RABGAP1L: variants seen among roughly 807,000 people sequenced by gnomAD.
RABGAP1L encodes the protein RAB GTPase activating protein 1 like.
A neutral mutation model predicts 137.7 loss-of-function variants in RABGAP1L; 63 were observed. The ratio of observed to expected loss-of-function variants is 0.46; its 90% CI spans 0.37 to 0.56. The LOEUF is 0.56. Ranked by LOEUF, RABGAP1L falls within the 20% of genes least tolerant of loss-of-function variation. The probability of loss-of-function intolerance (pLI) is 0.00; values close to 1 mark genes in which losing one functional copy is unlikely to be tolerated. For synonymous variants in RABGAP1L, 431 were observed against 433.7 expected (o/e 0.99, Z 0.08); for missense variants, 1,095 against 1,244.0 (o/e 0.88, Z 1.80).
intron 18 of RABGAP1L, among the ~76,000 whole-genome samples, chr1:174,792,001 A>G (rs1407798115): frequency 2.0e-5 from 3 of 152,234 alleles, no homozygotes; most frequent in Non-Finnish European, 2.9e-5. Context: ...GTGGTGAAGC[A>G]TAATCTTTCT....
intron 13 of RABGAP1L, among the ~76,000 whole-genome samples, chr1:174,424,151 A>G (rs989140634): frequency 6.6e-6 from 1 of 152,150 alleles, no homozygotes; most frequent in Non-Finnish European, 1.5e-5. Context: ...CCTACCTAGC[A>G]TATAGGATAT....
At chr1:174,365,175 G>C (rs1318482907) in intron 11 of RABGAP1L, 1 of 152,380 alleles carries the variant, frequency 6.6e-6, no homozygotes, top group East Asian at 1.9e-4. Context: ...GTGACTCTTT[G>C]TTTTCTCAGG....
intron 11 of RABGAP1L, among the ~76,000 whole-genome samples, chr1:174,339,481 C>A (rs1245870864): frequency 1.3e-5 from 2 of 152,080 alleles, no homozygotes; most frequent in Non-Finnish European, 2.9e-5. Flanking sequence ...CTAATTCAGG[C>A]TATCATAAGT....
At chr1:174,864,132 G>A (rs1041683559) in intron 19 of RABGAP1L, among the ~76,000 whole-genome samples, 7 of 152,160 alleles carry the variant, frequency 4.6e-5, no homozygotes, top group Non-Finnish European at 7.4e-5. Context: ...ATACATGATG[G>A]TTTTACTTTT....
At chr1:174,491,494 A>AGCAAGGGGTCCCTTTTGGAGCC (rs1660226782) in intron 13 of RABGAP1L, among the ~76,000 whole-genome samples, 3 of 151,978 alleles carry the variant, frequency 2.0e-5, no homozygotes. Flanking sequence ...CTCAAGCAGA[A>AGCAAGGGGTCCCTTTTGGAGCC]GCAAGGGGTC....
At chr1:174,331,417 G>A (rs1447095585) in intron 11 of RABGAP1L, among the ~76,000 whole-genome samples, 1 of 152,114 alleles carries the variant, frequency 6.6e-6, no homozygotes, top group African/African-American at 2.4e-5. Flanking sequence ...GAAAATATTT[G>A]CACATTATGC....
At chr1:174,855,012 A>G (rs1233375576) in intron 19 of RABGAP1L, among the ~76,000 whole-genome samples, 2 of 152,060 alleles carry the variant, frequency 1.3e-5, no homozygotes, top group African/African-American at 4.8e-5. Flanking sequence ...TGCTGGGATT[A>G]CAGGAGTGAG....
chr1:174,193,203 C>T (rs1466985389), intron 1 of RABGAP1L, among the ~76,000 whole-genome samples: 2 of 152,148 alleles, frequency 1.3e-5, no homozygotes, highest in African/African-American at 4.8e-5. Context: ...ATTTTAACTG[C>T]CACATTTGTT....
chr1:174,989,474 T>C (rs1671893884), intron 25 of RABGAP1L, among the ~76,000 whole-genome samples: 1 of 152,206 alleles, frequency 6.6e-6, no homozygotes. Context: ...GCCTATTTCT[T>C]TGGAACTGGA....
At chr1:174,481,881 T>TAAAAAAA (rs1166772879) in intron 13 of RABGAP1L, among the ~76,000 whole-genome samples, 1 of 59,736 alleles carries the variant, frequency 1.7e-5, no homozygotes, top group Non-Finnish European at 4.1e-5. Context: ...TAATAAAAAA[T>TAAAAAAA]AAAAAAAAAA....
chr1:174,271,118 A>C (rs1050394908), intron 7 of RABGAP1L, among the ~76,000 whole-genome samples: 2 of 152,102 alleles, frequency 1.3e-5, no homozygotes, highest in African/African-American at 4.8e-5. Flanking sequence ...CTAGAGTATA[A>C]TTATTTCTCT....
intron 12 of RABGAP1L, among the ~76,000 whole-genome samples, chr1:174,385,739 C>G (rs1686711611): frequency 6.6e-6 from 1 of 152,150 alleles, no homozygotes; most frequent in Non-Finnish European, 1.5e-5. Context: ...ACACAGTAGT[C>G]AAGTGCTGAT....
At chr1:174,669,115 G>A (rs1676996305) in intron 14 of RABGAP1L, among the ~76,000 whole-genome samples, 2 of 152,176 alleles carry the variant, frequency 1.3e-5, no homozygotes. Context: ...GCATGGTGGG[G>A]AGGTGTCAGG....
At chr1:174,981,882 C>T (rs1671164900) in intron 23 of RABGAP1L, among the ~76,000 whole-genome samples, 1 of 151,990 alleles carries the variant, frequency 6.6e-6, no homozygotes, top group Non-Finnish European at 1.5e-5. Context: ...TATGCTAACC[C>T]CTTTGCATAC....
chr1:174,290,926 T>G (rs1157817907), intron 10 of RABGAP1L, among the ~76,000 whole-genome samples: 1 of 152,048 alleles, frequency 6.6e-6, no homozygotes, highest in African/African-American at 2.4e-5. Flanking sequence ...CACACCTGGC[T>G]AAGTTTTAAT....
At chr1:174,264,657 A>G (rs1673896743) in intron 7 of RABGAP1L, among the ~76,000 whole-genome samples, 1 of 152,162 alleles carries the variant, frequency 6.6e-6, no homozygotes, top group South Asian at 2.1e-4. Flanking sequence ...ATTATTGTAG[A>G]TGAAAAACTT....
At chr1:174,800,588 C>A in intron 18 of RABGAP1L, 1 of 1,476,574 alleles carries the variant, frequency 6.8e-7, no homozygotes, top group Admixed American at 2.3e-5. Context: ...GGCTTGTTGT[C>A]TCTGGTTTTC....
In RABGAP1L at chr1:174,560,238, C is replaced by T. The variant is rs1434044732; in HGVS notation, c.1711-77137C>T. Among the ~76,000 whole-genome samples, 4 of 152,088 alleles carry T rather than the reference C, an allele frequency of 2.6e-5. No homozygotes were observed. The East Asian group carries it at 5.8e-4, about 22-fold the overall frequency. ...GTCAAGAAGACTTTTTTTTCTACCA[C>T]GTTTCCTCATCCTGCAGACTGCACT... On this transcript the variant is annotated intron_variant, in intron 13 of 25. Transcript: ENST00000681986.
Position 174,754,473 on chromosome 1 carries a change from T to G in RABGAP1L, c.2211+2119T>G, listed in dbSNP as rs189859092. Among the ~76,000 whole-genome samples the G allele has an allele frequency of 2.5e-3, 378 of 151,416 alleles. 2 individuals carry two copies. Among genetic ancestry groups the G allele is most frequent in the African/African-American group, 7.2e-3 (296 of 41,292 alleles). ...CTTTGGAGAAGTTCAAATTGCTGGG[T>G]TTTTTTTTCTTTTGTTTTGTTTTGT... is the stretch of plus-strand genomic sequence containing the variant. On this transcript the variant is annotated intron_variant, in intron 18 of 25. Transcript: ENST00000681986.
Sources: allele counts gnomAD v4.1 joint callset (sites outside exome capture counted in the v4.1 genomes callset), GRCh38; gene constraint gnomAD v4.1.1; transcripts MANE v1.5; gene names NCBI Gene and HGNC (gene_info 2026-07-23, HGNC 2026-07-21).